TMEFF2: variants seen among roughly 807,000 people sequenced by gnomAD.
TMEFF2 encodes the protein tomoregulin-2.
A neutral mutation model predicts 53.8 loss-of-function variants in TMEFF2; 28 were observed. The ratio of observed to expected loss-of-function variants is 0.52; its 90% CI spans 0.39 to 0.71. TMEFF2 has a LOEUF of 0.71. Ranked by LOEUF, TMEFF2 falls within the 30% of genes least tolerant of loss-of-function variation. TMEFF2 has a pLI of 0.00. For synonymous variants in TMEFF2, 162 were observed against 166.3 expected, an observed-to-expected ratio of 0.97 and a Z score of 0.20; for missense variants, 353 against 455.2, an observed-to-expected ratio of 0.78 and a Z score of 2.04.
intron 7 of TMEFF2, among the ~76,000 whole-genome samples, chr2:191,985,178 T>C (rs141003018): frequency 1.3e-5 from 2 of 152,190 alleles, no homozygotes; most frequent in Admixed American, 6.6e-5. Context: ...CAAAGGGCTT[T>C]AATATCTGAA....
intron 7 of TMEFF2, among the ~76,000 whole-genome samples, chr2:191,983,574 C>T (rs1056715245): frequency 4.6e-5 from 7 of 152,120 alleles, no homozygotes; most frequent in African/African-American, 1.7e-4. Context: ...GATGACAGTG[C>T]CTGGTAGAAT....
chr2:191,977,235 A>G (rs1685751675), intron 7 of TMEFF2, among the ~76,000 whole-genome samples: 1 of 152,194 alleles, frequency 6.6e-6, no homozygotes, highest in African/African-American at 2.4e-5. Context: ...TTGTGGGGGA[A>G]CTAGTTGTGC....
chr2:191,981,761 A>T (rs1470823255), intron 7 of TMEFF2, among the ~76,000 whole-genome samples: 1 of 152,202 alleles, frequency 6.6e-6, no homozygotes, highest in Non-Finnish European at 1.5e-5. Context: ...CATAACAAAT[A>T]TTACCAGCAT....
At chr2:192,071,074 A>C (rs755176934) in intron 4 of TMEFF2, among the ~76,000 whole-genome samples, 89 of 151,874 alleles carry the variant, frequency 5.9e-4, no homozygotes, top group Non-Finnish European at 1.1e-3. Flanking sequence ...GGAGGAGGCC[A>C]AATTAGGAGG....
intron 4 of TMEFF2, among the ~76,000 whole-genome samples, chr2:192,083,184 A>G (rs148498755): frequency 1.4e-4 from 22 of 152,240 alleles, no homozygotes; most frequent in African/African-American, 5.1e-4. Context: ...TGTAGTAGGT[A>G]GTGTCCAGGG....
At chr2:192,090,543 A>G (rs1235113282) in intron 4 of TMEFF2, among the ~76,000 whole-genome samples, 1 of 152,140 alleles carries the variant, frequency 6.6e-6, no homozygotes, top group Non-Finnish European at 1.5e-5. Flanking sequence ...ACATCTTGCC[A>G]TCCCTAGTCT....
chr2:191,993,486 C>T (rs1378071401), intron 7 of TMEFF2, among the ~76,000 whole-genome samples: 1 of 151,986 alleles, frequency 6.6e-6, no homozygotes, highest in Non-Finnish European at 1.5e-5. Flanking sequence ...CCTCCGAGGA[C>T]ATGAAATCCA....
Position 192,192,002 on chromosome 2 carries a change from G to A in TMEFF2, c.173-13C>T. The A allele has an allele frequency of 6.5e-7, 1 of 1,546,464 alleles. No individual in the cohort carries two copies. Among genetic ancestry groups the A allele is most frequent in the Non-Finnish European group, 8.9e-7 (1 of 1,119,246 alleles). On this transcript the variant is annotated splice_polypyrimidine_tract_variant and intron_variant, in intron 1 of 9. Coordinates refer to ENST00000272771, the MANE Select transcript of TMEFF2 (RefSeq NM_016192.4). Reference sequence around the variant, plus strand: ...CTGTCATCATAACCTCAAATTCAAAGAGAACACTCCAGTCATTAAAACATC... The same window carrying A: ...CTGTCATCATAACCTCAAATTCAAAAAGAACACTCCAGTCATTAAAACATC...
chr2:192,130,217 AAAGT>A (rs59461580), intron 4 of TMEFF2, among the ~76,000 whole-genome samples: 22,392 of 152,030 alleles, frequency 0.15, 2,374 homozygotes, highest in African/African-American at 0.28. Context: ...GAAAAAAATA[AAAGT>A]AAGAACTCAG....
At chr2:192,099,455 T>C (rs1361109232) in intron 4 of TMEFF2, among the ~76,000 whole-genome samples, 1 of 152,180 alleles carries the variant, frequency 6.6e-6, no homozygotes, top group Non-Finnish European at 1.5e-5. Context: ...CAGACACTTT[T>C]GCATATAGAT....
chr2:191,999,157 A>G lies in TMEFF2; in HGVS notation c.588T>C (p.Ala196=), dbSNP rs1177848661. Reference sequence around the variant, plus strand: ...CATTATCATAAGATTTCCCATCAGAAGCGCAGAGGGGATTGAAGTTGGTTT... The same window carrying G: ...CATTATCATAAGATTTCCCATCAGAGGCGCAGAGGGGATTGAAGTTGGTTT... The part of the protein sequence containing the change: ...CSQTNFNPLC[A]SDGKSYDNAC... Residue 196 remains alanine (A), a synonymous_variant, in exon 6 of 10, where the codon GCT becomes GCC. Coordinates refer to ENST00000272771, the MANE Select transcript of TMEFF2 (RefSeq NM_016192.4). 1.2e-6 allele frequency: 2 copies of G among 1,611,830 alleles called. No individual in the cohort carries two copies. The highest frequency in any genetic ancestry group is 2.7e-5 in the African/African-American group (2 of 74,862).
chr2:192,131,413 T>C lies in TMEFF2; in HGVS notation c.439+48255A>G, dbSNP rs186119263. The stretch of plus-strand genomic sequence containing the variant: ...TCACCTTTAGCGGCAAGTCCCGCTT[T>C]TCTGGGGGAAGGGCAAGTACCCCTC... On this transcript the variant is annotated intron_variant, in intron 4 of 9. Coordinates refer to ENST00000272771, the MANE Select transcript of TMEFF2 (RefSeq NM_016192.4). Among the ~76,000 whole-genome samples, 580 of 152,274 alleles carry C rather than the reference T, an allele frequency of 3.8e-3. 3 individuals are homozygous for C. The highest frequency in any genetic ancestry group is 0.013 in the African/African-American group (539 of 41,536).
chr2:191,982,147 T>TA (rs1351479524), intron 7 of TMEFF2, among the ~76,000 whole-genome samples: 1 of 142,056 alleles, frequency 7.0e-6, no homozygotes, highest in Non-Finnish European at 1.6e-5. Context: ...ATATCCATAT[T>TA]TATGCAAATT....
intron 4 of TMEFF2, among the ~76,000 whole-genome samples, chr2:192,094,582 G>C (rs1197673864): frequency 6.6e-6 from 1 of 152,000 alleles, no homozygotes; most frequent in Admixed American, 6.6e-5. Flanking sequence ...GGCTGAAGAG[G>C]ATGCCCTCGG....
At chr2:192,134,217 T>A (rs1270502571) in intron 4 of TMEFF2, among the ~76,000 whole-genome samples, 1 of 152,194 alleles carries the variant, frequency 6.6e-6, no homozygotes, top group Non-Finnish European at 1.5e-5. Flanking sequence ...CTGTACTCAC[T>A]CTTCGTTAAG....
intron 5 of TMEFF2, among the ~76,000 whole-genome samples, chr2:192,053,305 A>T (rs1374897462): frequency 6.6e-6 from 1 of 152,154 alleles, no homozygotes; most frequent in Non-Finnish European, 1.5e-5. Context: ...AACTCATCTA[A>T]CTATGAAAAC....
chr2:192,145,083 T>C (rs897179763), intron 4 of TMEFF2, among the ~76,000 whole-genome samples: 2 of 151,966 alleles, frequency 1.3e-5, no homozygotes, highest in South Asian at 2.1e-4. Context: ...TTTCTAAGGA[T>C]GTAAATATGC....
chr2:192,033,519 G>GA (rs1687196949), intron 5 of TMEFF2, among the ~76,000 whole-genome samples: 4 of 77,930 alleles, frequency 5.1e-5, no homozygotes, highest in Admixed American at 2.1e-4. Context: ...AACCAGTTTG[G>GA]ATTTTTTTTT....
At chr2:192,114,966 A>G (rs954170508) in intron 4 of TMEFF2, among the ~76,000 whole-genome samples, 3 of 151,964 alleles carry the variant, frequency 2.0e-5, no homozygotes, top group African/African-American at 7.2e-5. Flanking sequence ...ATAGCTGACT[A>G]TATATAATCT....
Sources: allele counts gnomAD v4.1 joint callset (sites outside exome capture counted in the v4.1 genomes callset), GRCh38; gene constraint gnomAD v4.1.1; transcripts MANE v1.5; gene names NCBI Gene and HGNC (gene_info 2026-07-23, HGNC 2026-07-21).